GLI2: variants seen among roughly 807,000 people sequenced by gnomAD.
GLI2 encodes GLI family zinc finger 2.
Under a neutral mutation model 78.9 loss-of-function variants are expected in GLI2, and 22 were observed. The observed-to-expected ratio is 0.28, with a 90% CI of 0.20 to 0.40. GLI2 has a LOEUF of 0.40. GLI2 is among the 10% of genes least tolerant of loss of function. GLI2 has a pLI of 1.00. For missense variants in GLI2, 2,097 were observed against 2,213.2 expected (o/e 0.95, Z 1.05); for synonymous variants, 974 against 963.7 (o/e 1.01, Z -0.20).
Position 120,988,237 on chromosome 2 carries a change from G to C in GLI2, c.2272G>C (p.Gly758Arg), listed in dbSNP as rs369823940. Residue 758 changes from glycine to arginine, a missense_variant, in exon 14 of 14, where the codon GGG (glycine) becomes CGG (arginine). Gly to Arg is a moderately radical substitution (Grantham distance 125). Around this residue, in one of 5 missense-constraint regions of GLI2, gnomAD observed 1,290 missense variants for 1,261.7 expected, o/e 1.02. Coordinates refer to ENST00000361492, the MANE Select transcript of GLI2 (RefSeq NM_001374353.1). ...GSILENFSGS[G>R]GGGPAGLLPN... is the part of the protein sequence containing the mutation. ...CATCCTGGAAAACTTCAGTGGCAGT[G>C]GGGGCGGCGGGCCCGCGGGGCTGCT... 11 of 1,584,892 alleles carry C rather than the reference G, an allele frequency of 6.9e-6. No homozygotes were observed. The highest frequency in any genetic ancestry group is 9.4e-6 in the Non-Finnish European group (11 of 1,169,256).
intron 1 of GLI2, among the ~76,000 whole-genome samples, chr2:120,783,221 ACCT>A (rs1470125173): frequency 6.6e-6 from 1 of 151,886 alleles, no homozygotes; most frequent in African/African-American, 2.4e-5. Flanking sequence ...TAAACCTGTG[ACCT>A]CCTCTGCAGC....
At chr2:120,876,561 T>A (rs1462420041) in intron 2 of GLI2, among the ~76,000 whole-genome samples, 1 of 151,908 alleles carries the variant, frequency 6.6e-6, no homozygotes, top group East Asian at 1.9e-4. Flanking sequence ...TTTAAAATAC[T>A]CACCGGAGAA....
At chr2:120,974,655 C>T (rs769572413) in intron 8 of GLI2, among the ~76,000 whole-genome samples, 7 of 152,162 alleles carry the variant, frequency 4.6e-5, no homozygotes, top group Non-Finnish European at 1.0e-4. Context: ...ACTGGTTCCC[C>T]ACAGCACTTC....
At chr2:120,892,138 C>T (rs1431923692) in intron 2 of GLI2, among the ~76,000 whole-genome samples, 1 of 152,198 alleles carries the variant, frequency 6.6e-6, no homozygotes, top group East Asian at 1.9e-4. Context: ...CCACCTCTCT[C>T]CCCCGTCAGC....
chr2:120,920,594 T>C (rs911587446), intron 2 of GLI2, among the ~76,000 whole-genome samples: 7 of 152,100 alleles, frequency 4.6e-5, no homozygotes, highest in Admixed American at 2.0e-4. Context: ...CAAGAAACAT[T>C]TGGTGTTGAA....
intron 2 of GLI2, among the ~76,000 whole-genome samples, chr2:120,801,901 G>A (rs1684724049): frequency 6.6e-6 from 1 of 152,238 alleles, no homozygotes; most frequent in African/African-American, 2.4e-5. Flanking sequence ...CCTCTCACAT[G>A]GTGAGAGTCT....
At chr2:120,764,473 G>T (rs1381297846) in intron 1 of GLI2, among the ~76,000 whole-genome samples, 1 of 152,196 alleles carries the variant, frequency 6.6e-6, no homozygotes. Context: ...GTTTGCCTTT[G>T]CATGTCACCC....
chr2:120,920,309 T>C (rs778152109), intron 2 of GLI2, among the ~76,000 whole-genome samples: 4 of 152,260 alleles, frequency 2.6e-5, no homozygotes, highest in Non-Finnish European at 5.9e-5. Context: ...AACACATGAC[T>C]TCATCCGAGG....
intron 2 of GLI2, among the ~76,000 whole-genome samples, chr2:120,914,786 G>A (rs1184612359): frequency 1.3e-5 from 2 of 152,236 alleles, no homozygotes; most frequent in Non-Finnish European, 2.9e-5. Context: ...GTCTCCCTCT[G>A]ACATGGGTCC....
At chr2:120,906,789 G>A (rs572486856) in intron 2 of GLI2, among the ~76,000 whole-genome samples, 278 of 152,260 alleles carry the variant, frequency 1.8e-3, no homozygotes, top group Middle Eastern at 6.8e-3. Context: ...AAGGTAGTTA[G>A]CATCCTTCCT....
At chr2:120,906,266 C>A (rs1386460099) in intron 2 of GLI2, among the ~76,000 whole-genome samples, 1 of 152,160 alleles carries the variant, frequency 6.6e-6, no homozygotes, top group Non-Finnish European at 1.5e-5. Flanking sequence ...TTCCCCTCTC[C>A]CTGCCTGTAC....
intron 2 of GLI2, among the ~76,000 whole-genome samples, chr2:120,875,392 A>G (rs1373446701): frequency 6.6e-6 from 1 of 152,272 alleles, no homozygotes; most frequent in Non-Finnish European, 1.5e-5. Context: ...GAGAGGGACC[A>G]CAGTGCTGCT....
chr2:120,828,498 T>G (rs1686195304), intron 2 of GLI2, among the ~76,000 whole-genome samples: 1 of 152,246 alleles, frequency 6.6e-6, no homozygotes, highest in African/African-American at 2.4e-5. Context: ...GAGGTTATTT[T>G]GGGAAGTAGC....
chr2:120,753,915 CAA>C (rs1164921224), intron 1 of GLI2, among the ~76,000 whole-genome samples: 12 of 64,638 alleles, frequency 1.9e-4, no homozygotes, highest in Non-Finnish European at 1.7e-4. Context: ...GACTCCATCT[CAA>C]AAAAAAAAAA....
chr2:120,827,018 A>C (rs181613678), intron 2 of GLI2, among the ~76,000 whole-genome samples: 170 of 152,240 alleles, frequency 1.1e-3, no homozygotes, highest in Non-Finnish European at 1.6e-4. Context: ...GGTGACTCCC[A>C]TGGGTCCATG....
intron 1 of GLI2, among the ~76,000 whole-genome samples, chr2:120,785,797 G>A (rs1007910942): frequency 6.6e-6 from 1 of 152,186 alleles, no homozygotes; most frequent in Non-Finnish European, 1.5e-5. Context: ...CTCCCTGGGG[G>A]TCCAGCCTGC....
At chr2:120,750,655 G>T (rs1005088477) in intron 1 of GLI2, among the ~76,000 whole-genome samples, 1 of 152,236 alleles carries the variant, frequency 6.6e-6, no homozygotes, top group Non-Finnish European at 1.5e-5. Flanking sequence ...ACTCATTTGG[G>T]CTCTCGTTAG....
At chr2:120,884,072 G>A (rs778623195) in intron 2 of GLI2, among the ~76,000 whole-genome samples, 6 of 152,182 alleles carry the variant, frequency 3.9e-5, no homozygotes, top group Non-Finnish European at 7.3e-5. Flanking sequence ...GAGACTTTAG[G>A]GGCCAGGGGC....
chr2:120,959,229 T>C lies in GLI2; in HGVS notation c.643+3799T>C, dbSNP rs534116916. 7.9e-5 allele frequency among the ~76,000 whole-genome samples: 12 copies of C among 152,276 alleles called. No homozygotes were observed. The South Asian group carries it at 2.1e-3, about 26-fold the overall frequency. Reference sequence around the variant, plus strand: ...GGTTAACTCATCACACCCCACCCGCTGTGCCTTCTCCACCTCCGCCTTGGG... The same window carrying C: ...GGTTAACTCATCACACCCCACCCGCCGTGCCTTCTCCACCTCCGCCTTGGG... On this transcript the variant is annotated intron_variant, in intron 5 of 13. Transcript: ENST00000361492.
Sources: gnomAD v4.1 joint callset for allele counts (sites outside exome capture counted in the v4.1 genomes callset) on GRCh38, gnomAD v4.1.1 for gene constraint, gnomAD v4.1.1 regional missense constraint, MANE v1.5 for transcripts, NCBI Gene and HGNC (gene_info 2026-07-23, HGNC 2026-07-21) for gene names.